RMST: variants seen among roughly 807,000 people sequenced by gnomAD.
RMST encodes the protein rhabdomyosarcoma 2 associated transcript.
At chr12:97,548,951 A>T (rs547876002) in intron 11 of RMST, among the ~76,000 whole-genome samples, 2 of 152,186 alleles carry the variant, frequency 1.3e-5, no homozygotes, top group African/African-American at 2.4e-5. Context: ...CTTGCAATAG[A>T]TATTTTTTCA....
chr12:97,515,509 G>A (rs982145061), intron 10 of RMST, among the ~76,000 whole-genome samples: 2 of 152,108 alleles, frequency 1.3e-5, no homozygotes, highest in African/African-American at 4.8e-5. Flanking sequence ...TCTGTTCAGG[G>A]ACCTTGCCAA....
intron 11 of RMST, among the ~76,000 whole-genome samples, chr12:97,542,218 A>C (rs1001646922): frequency 2.6e-5 from 4 of 151,854 alleles, no homozygotes; most frequent in African/African-American, 9.7e-5. Flanking sequence ...TGATCATAAG[A>C]TTGATATGAG....
At chr12:97,554,236 G>A (rs571983511) in intron 11 of RMST, among the ~76,000 whole-genome samples, 7 of 152,146 alleles carry the variant, frequency 4.6e-5, no homozygotes, top group South Asian at 2.1e-4. Flanking sequence ...TTACAGGCAC[G>A]AGCTACCGCG....
chr12:97,497,292 C>T (rs904922360), intron 10 of RMST, among the ~76,000 whole-genome samples: 3 of 152,168 alleles, frequency 2.0e-5, no homozygotes, highest in African/African-American at 7.2e-5. Context: ...GGCTTGAGGT[C>T]CCTCTGTCTT....
intron 10 of RMST, among the ~76,000 whole-genome samples, chr12:97,511,911 T>C (rs1177810399): frequency 6.6e-6 from 1 of 152,200 alleles, no homozygotes; most frequent in Non-Finnish European, 1.5e-5. Flanking sequence ...TTGGAAACAA[T>C]CTAAATCAAC....
rs1396570252 is a variant in RMST, at chr12:97,487,758, T to C, written n.645-4703T>C. ...GCTAGGGAAGCCTCATCCTCTCCAA[T>C]GAAACCAGGTTGCCATGTTTAGCTC... is the stretch of plus-strand genomic sequence containing the variant. On this transcript the variant is annotated intron_variant and non_coding_transcript_variant, in intron 5 of 13. Transcript: ENST00000640149. 2.6e-5 allele frequency among the ~76,000 whole-genome samples: 4 copies of C among 152,176 alleles called. No individual in the cohort carries two copies. In the East Asian group the frequency reaches 7.7e-4, roughly 29 times the overall value.
intron 11 of RMST, among the ~76,000 whole-genome samples, chr12:97,547,391 TC>T (rs1416907276): frequency 1.3e-5 from 2 of 151,990 alleles, no homozygotes; most frequent in African/African-American, 4.8e-5. Flanking sequence ...GAATTTTATT[TC>T]CTTTGGACAA....
intron 10 of RMST, among the ~76,000 whole-genome samples, chr12:97,511,833 G>A (rs762419412): frequency 6.6e-6 from 1 of 152,148 alleles, no homozygotes; most frequent in African/African-American, 2.4e-5. Context: ...GCTAACTAGG[G>A]CCATTACTTT....
At chr12:97,535,436 T>C (rs776170162) in intron 11 of RMST, among the ~76,000 whole-genome samples, 2 of 151,768 alleles carry the variant, frequency 1.3e-5, no homozygotes, top group Non-Finnish European at 3.0e-5. Flanking sequence ...CATCATTGAC[T>C]AACCTTTATT....
At chr12:97,535,953 C>T (rs954045370) in intron 11 of RMST, among the ~76,000 whole-genome samples, 6 of 151,510 alleles carry the variant, frequency 4.0e-5, no homozygotes, top group Non-Finnish European at 8.9e-5. Context: ...AATCATTAGG[C>T]TTTTTAAAAA....
At position 97,475,633 on chromosome 12, in the gene RMST, T is replaced by C. The variant is rs74410423; in HGVS notation, n.644+9906T>C. ...CCACATGTCAGGCATCATTTTCACA[T>C]GGACTAAAGGCAAACATTATGATCC... On this transcript the variant is annotated intron_variant and non_coding_transcript_variant, in intron 5 of 13. Transcript: ENST00000640149. Among the ~76,000 whole-genome samples the C allele has an allele frequency of 4.0e-3, 603 of 151,282 alleles. 2 individuals carry two copies. Among genetic ancestry groups the C allele is most frequent in the Non-Finnish European group, 6.5e-3 (443 of 67,840 alleles).
At chr12:97,489,648 GAGA>G (rs1876537994) in intron 5 of RMST, among the ~76,000 whole-genome samples, 1 of 152,114 alleles carries the variant, frequency 6.6e-6, no homozygotes, top group Non-Finnish European at 1.5e-5. Context: ...GATTTCCTGT[GAGA>G]AGAACCAATT....
At chr12:97,532,258 A>G (rs1881697684) in intron 11 of RMST, among the ~76,000 whole-genome samples, 1 of 151,792 alleles carries the variant, frequency 6.6e-6, no homozygotes, top group Non-Finnish European at 1.5e-5. Flanking sequence ...CTTAACTTTG[A>G]TTCCCCACCC....
At chr12:97,539,152 G>A (rs1322235455) in intron 11 of RMST, among the ~76,000 whole-genome samples, 1 of 151,484 alleles carries the variant, frequency 6.6e-6, no homozygotes, top group Non-Finnish European at 1.5e-5. Flanking sequence ...ATAGTACACT[G>A]TCAGAAAAAA....
chr12:97,482,526 A>G (rs115926672), intron 5 of RMST, among the ~76,000 whole-genome samples: 1,577 of 151,696 alleles, frequency 0.01, 20 homozygotes, highest in African/African-American at 0.034. Context: ...TCACGAGTAA[A>G]ATTGTTGGTT....
At chr12:97,539,479 C>T (rs1211996147) in intron 11 of RMST, among the ~76,000 whole-genome samples, 1 of 151,556 alleles carries the variant, frequency 6.6e-6, no homozygotes, top group Non-Finnish European at 1.5e-5. Flanking sequence ...TTTCTGAGTT[C>T]ACTAAGGCAA....
chr12:97,532,969 G>A (rs1032155203), intron 11 of RMST: 1 of 151,730 alleles, frequency 6.6e-6, no homozygotes. Flanking sequence ...CATCGAGCAG[G>A]TCGTATGTCA....
At chr12:97,504,571 A>T (rs1397590668) in intron 10 of RMST, among the ~76,000 whole-genome samples, 1 of 152,164 alleles carries the variant, frequency 6.6e-6, no homozygotes, top group Non-Finnish European at 1.5e-5. Flanking sequence ...TCAATGATCT[A>T]CATGTGTAAA....
intron 10 of RMST, among the ~76,000 whole-genome samples, chr12:97,526,700 T>C (rs2136571930): frequency 6.6e-6 from 1 of 152,292 alleles, no homozygotes; most frequent in East Asian, 1.9e-4. Flanking sequence ...TAGAGGAAGC[T>C]ATTTATTACT....
Sources: gnomAD v4.1 joint callset for allele counts (sites outside exome capture counted in the v4.1 genomes callset) on GRCh38, gnomAD v4.1.1 for gene constraint, MANE v1.5 for transcripts, NCBI Gene and HGNC (gene_info 2026-07-23, HGNC 2026-07-21) for gene names.